USP10: variants seen among roughly 807,000 people sequenced by gnomAD.
The protein encoded by USP10 is ubiquitin specific peptidase 10.
Under a neutral mutation model 84.5 loss-of-function variants are expected in USP10, and 22 were observed. The ratio of observed to expected loss-of-function variants is 0.26; its 90% CI spans 0.19 to 0.37. The LOEUF is 0.37. Ranked by LOEUF, USP10 falls within the 10% of genes least tolerant of loss-of-function variation. USP10 has a pLI of 1.00. For synonymous variants in USP10, 454 were observed against 387.6 expected, an observed-to-expected ratio of 1.17 and a Z score of -2.01; for missense variants, 1,019 against 998.9, an observed-to-expected ratio of 1.02 and a Z score of -0.27.
intron 12 of USP10, among the ~76,000 whole-genome samples, chr16:84,774,957 C>T (rs185385962): frequency 3.0e-4 from 45 of 152,324 alleles, no homozygotes; most frequent in Non-Finnish European, 5.0e-4. Context: ...AGTGAGCTGG[C>T]TGCACATTTT....
At chr16:84,720,548 C>T (rs191286945) in intron 1 of USP10, among the ~76,000 whole-genome samples, 1 of 143,240 alleles carries the variant, frequency 7.0e-6, no homozygotes, top group African/African-American at 2.6e-5. Context: ...AAATTGAAAA[C>T]AGATGCAGAA....
intron 13 of USP10, among the ~76,000 whole-genome samples, chr16:84,777,212 C>T (rs1044936585): frequency 6.6e-6 from 1 of 152,214 alleles, no homozygotes; most frequent in African/African-American, 2.4e-5. Flanking sequence ...GAGTGACACA[C>T]GGCTCAGCCC....
At chr16:84,723,782 A>G (rs942163277) in intron 1 of USP10, among the ~76,000 whole-genome samples, 1 of 152,246 alleles carries the variant, frequency 6.6e-6, no homozygotes, top group African/African-American at 2.4e-5. Context: ...GTATATTTCC[A>G]TGAATTTTAA....
intron 1 of USP10, among the ~76,000 whole-genome samples, chr16:84,723,148 T>G (rs910552241): frequency 2.3e-5 from 2 of 85,738 alleles, no homozygotes; most frequent in African/African-American, 1.4e-4. Flanking sequence ...CATCCAGGGT[T>G]TTTTTTTTTT....
intron 11 of USP10, among the ~76,000 whole-genome samples, chr16:84,768,656 C>T (rs1046023162): frequency 6.6e-6 from 1 of 152,128 alleles, no homozygotes; most frequent in Non-Finnish European, 1.5e-5. Context: ...TCAATACTAC[C>T]TCTGACAGAG....
intron 2 of USP10, among the ~76,000 whole-genome samples, chr16:84,740,085 G>C (rs1910448384): frequency 6.6e-6 from 1 of 152,160 alleles, no homozygotes; most frequent in South Asian, 2.1e-4. Context: ...TTTCGGATCT[G>C]TTTAATAGTG....
intron 4 of USP10, among the ~76,000 whole-genome samples, chr16:84,747,702 T>G (rs761751012): frequency 1.3e-5 from 2 of 151,946 alleles, no homozygotes; most frequent in Non-Finnish European, 2.9e-5. Context: ...TAGCTGGGAT[T>G]ACAGGCACAT....
At chr16:84,730,700 A>T (rs1482851579) in intron 1 of USP10, among the ~76,000 whole-genome samples, 2 of 152,154 alleles carry the variant, frequency 1.3e-5, no homozygotes, top group East Asian at 3.8e-4. Flanking sequence ...TTATCAAATC[A>T]TTTGGATTTG....
chr16:84,764,025 CT>C (rs576095842), intron 9 of USP10, 60 bp from the exon 10 acceptor site: 89,834 of 1,083,318 alleles, frequency 0.083, no homozygotes, highest in East Asian at 0.23. Flanking sequence ...AGATCTGTGC[CT>C]TTTTTTTTTT....
Position 84,744,992 on chromosome 16 carries a change from A to G in USP10, c.511A>G (p.Ile171Val), listed in dbSNP as rs541046773. 1.1e-5 allele frequency: 18 copies of G among 1,613,830 alleles called. No individual in the cohort carries two copies. The South Asian group carries it at 1.8e-4, about 16-fold the overall frequency. Residue 171 changes from isoleucine (I) to valine (V), a missense_variant, in exon 4 of 14, where the codon ATC becomes GTC. Transcript: ENST00000219473. ...TTTGAAAGATGGTGGCGATGATAGT[A>G]TCTCCACAGAAGCCCTGGTCAATGG... is the stretch of plus-strand genomic sequence containing the variant. ...SYLKDGGDDS[I>V]STEALVNGHA...
At chr16:84,765,008 G>C (rs914683757) in intron 10 of USP10, among the ~76,000 whole-genome samples, 1 of 150,032 alleles carries the variant, frequency 6.7e-6, no homozygotes, top group Non-Finnish European at 1.5e-5. Context: ...CCGGGAGGCA[G>C]AGGTTGCAGT....
chr16:84,742,716 C>A (rs181070041), intron 3 of USP10, among the ~76,000 whole-genome samples: 21 of 152,322 alleles, frequency 1.4e-4, no homozygotes, highest in African/African-American at 3.8e-4. Flanking sequence ...CGGTGCAAGG[C>A]ACATGGCGTC....
chr16:84,776,723 G>A (rs1032977897), intron 13 of USP10, among the ~76,000 whole-genome samples: 8 of 152,208 alleles, frequency 5.3e-5, no homozygotes, highest in African/African-American at 1.9e-4. Context: ...CCCAGTGTGA[G>A]CACACACACC....
chr16:84,743,347 G>A (rs1373769639), intron 3 of USP10, among the ~76,000 whole-genome samples: 2 of 152,172 alleles, frequency 1.3e-5, no homozygotes, highest in Non-Finnish European at 2.9e-5. Context: ...TGATTCTAAA[G>A]CATACGAAGA....
At chr16:84,734,990 A>C (rs1239614791) in intron 2 of USP10, among the ~76,000 whole-genome samples, 1 of 151,886 alleles carries the variant, frequency 6.6e-6, no homozygotes, top group Non-Finnish European at 1.5e-5. Flanking sequence ...CTCTGTATAA[A>C]CACCACACGT....
At chr16:84,736,055 A>C (rs1236806303) in intron 2 of USP10, among the ~76,000 whole-genome samples, 1 of 150,820 alleles carries the variant, frequency 6.6e-6, no homozygotes, top group Non-Finnish European at 1.5e-5. Flanking sequence ...TGGGTGTGTG[A>C]GTGGCGAGGG....
chr16:84,704,599 G>A, intron 1 of USP10: 1 of 1,112,506 alleles, frequency 9.0e-7, no homozygotes, highest in Non-Finnish European at 1.2e-6. Flanking sequence ...AATTAGTGTA[G>A]GAAAATAAAG....
chr16:84,762,812 C>T (rs1293492649), intron 8 of USP10, among the ~76,000 whole-genome samples, 177 bp from the exon 9 acceptor site: 5 of 152,190 alleles, frequency 3.3e-5, no homozygotes, highest in Admixed American at 1.3e-4. Flanking sequence ...TCCTTTTCCT[C>T]CTACTCTTGG....
chr16:84,720,336 C>T (rs1397782197), intron 1 of USP10, among the ~76,000 whole-genome samples: 2 of 152,186 alleles, frequency 1.3e-5, no homozygotes, highest in African/African-American at 4.8e-5. Flanking sequence ...GAACAGATGG[C>T]ACTTACAAGT....
Sources: gnomAD v4.1 joint callset for allele counts (sites outside exome capture counted in the v4.1 genomes callset) on GRCh38, gnomAD v4.1.1 for gene constraint, MANE v1.5 for transcripts, NCBI Gene and HGNC (gene_info 2026-07-23, HGNC 2026-07-21) for gene names.